NPTN: variants seen among roughly 807,000 people sequenced by gnomAD.
NPTN encodes SDR-1.
In NPTN, 5 loss-of-function variants were observed where a neutral mutation model predicts 42.7. The observed-to-expected ratio is 0.12, with a 90% CI of 0.06 to 0.25. The LOEUF (loss-of-function observed/expected upper bound fraction) is 0.25. NPTN is among the 10% of genes least tolerant of loss of function. The probability of loss-of-function intolerance (pLI) is 1.00; values close to 1 mark genes in which losing one functional copy is unlikely to be tolerated. For synonymous variants in NPTN, 180 were observed against 201.9 expected, an observed-to-expected ratio of 0.89 and a Z score of 0.92; for missense variants, 307 against 525.4, an observed-to-expected ratio of 0.58 and a Z score of 4.06.
intron 2 of NPTN, among the ~76,000 whole-genome samples, chr15:73,596,090 T>C (rs1896823568): frequency 6.6e-6 from 1 of 152,212 alleles, no homozygotes; most frequent in Admixed American, 6.5e-5. Context: ...CAGCTACTCA[T>C]CAGAGTCAAA....
At chr15:73,617,856 G>A (rs1434264386) in intron 1 of NPTN, among the ~76,000 whole-genome samples, 1 of 152,156 alleles carries the variant, frequency 6.6e-6, no homozygotes, top group Admixed American at 6.5e-5. Context: ...CCTACAGCAA[G>A]AACTACTACT....
chr15:73,574,613 A>G (rs1445396551), intron 4 of NPTN, among the ~76,000 whole-genome samples: 1 of 152,194 alleles, frequency 6.6e-6, no homozygotes, highest in East Asian at 1.9e-4. Context: ...GGGTCTTACT[A>G]TATTGCCCAG....
chr15:73,605,621 G>A (rs1199459396), intron 1 of NPTN, among the ~76,000 whole-genome samples: 4 of 151,368 alleles, frequency 2.6e-5, no homozygotes, highest in African/African-American at 7.3e-5. Context: ...CCAGCTACTC[G>A]GGAGGCTGAG....
intron 2 of NPTN, among the ~76,000 whole-genome samples, chr15:73,595,328 C>T (rs1896784353): frequency 6.6e-6 from 1 of 151,872 alleles, no homozygotes; most frequent in Non-Finnish European, 1.5e-5. Context: ...AGGAGGCGTG[C>T]AGGGTAAAAA....
At chr15:73,561,646 C>T (rs777069389) in intron 8 of NPTN, among the ~76,000 whole-genome samples, 1 of 152,200 alleles carries the variant, frequency 6.6e-6, no homozygotes, top group Non-Finnish European at 1.5e-5. Context: ...CACCACTGCA[C>T]TCCAGCTTGG....
At chr15:73,593,187 A>C (rs1896678428) in intron 2 of NPTN, among the ~76,000 whole-genome samples, 1 of 152,240 alleles carries the variant, frequency 6.6e-6, no homozygotes, top group Non-Finnish European at 1.5e-5. Flanking sequence ...AAAATGTTTA[A>C]AATCACTCTA....
intron 4 of NPTN, among the ~76,000 whole-genome samples, chr15:73,582,261 G>A (rs1007668097): frequency 1.3e-5 from 2 of 152,118 alleles, no homozygotes; most frequent in Non-Finnish European, 2.9e-5. Flanking sequence ...CTGCATTTAC[G>A]GTCTATTTGC....
At position 73,569,033 on chromosome 15, in the gene NPTN, A is replaced by G. The variant is rs976239541; in HGVS notation, c.1114+1117T>C. On this transcript the variant is annotated intron_variant, in intron 6 of 8. Transcript: ENST00000345330. This position sits in a 1 kb window ranked among gnomAD's most constrained non-coding sequence, Gnocchi z 4.1. ...GACAGCCAGCTCTGTGGGGCAGGAT[A>G]CAGCACCACAGGTGCACAAACACAG... 29 of 985,410 alleles carry G rather than the reference A, an allele frequency of 2.9e-5. No individual in the cohort carries two copies. Among genetic ancestry groups the G allele is most frequent in the Non-Finnish European group, 3.3e-5 (27 of 830,012 alleles). The allele number at this position is 985,410 out of a possible 1,614,324, so 61.0% of individuals were successfully genotyped here.
intron 6 of NPTN, among the ~76,000 whole-genome samples, chr15:73,566,389 C>T (rs1335402201): frequency 6.6e-6 from 1 of 152,216 alleles, no homozygotes; most frequent in Non-Finnish European, 1.5e-5. Context: ...ATATCTTCTC[C>T]ATCAGTAACT....
chr15:73,601,072 A>G (rs923204454), intron 1 of NPTN, among the ~76,000 whole-genome samples: 1 of 152,232 alleles, frequency 6.6e-6, no homozygotes, highest in African/African-American at 2.4e-5. Flanking sequence ...TTCCACATAC[A>G]TCACATCTCA....
chr15:73,589,152 C>T (rs1469936785), intron 3 of NPTN, among the ~76,000 whole-genome samples: 5 of 151,762 alleles, frequency 3.3e-5, no homozygotes, highest in Admixed American at 3.3e-4. Context: ...GGAAACATGG[C>T]GAAACGCTAT....
chr15:73,573,663 A>T lies in NPTN; in HGVS notation c.839T>A (p.Met280Lys). Residue 280 changes from methionine to lysine, a missense_variant and splice_region_variant, in exon 5 of 9, where the codon ATG becomes AAG. Physicochemically the swap from Met to Lys is moderately conservative, Grantham distance 95 (BLOSUM62 -1). Around this residue, in one of 2 missense-constraint regions of NPTN, gnomAD observed 264 missense variants for 491.1 expected, o/e 0.54. Coordinates refer to ENST00000345330, the MANE Select transcript of NPTN (RefSeq NM_012428.4). ...GACCCGGGCCTGCCTCCTACTCACC[A>T]TGGGCATCCCGTTCTCCTTCTTGCG... is the stretch of plus-strand genomic sequence containing the variant. ...IWRKKENGMP[M>K]DIVNTSGRFF... The T allele has an allele frequency of 6.4e-7, 1 of 1,574,740 alleles. No homozygotes were observed. Among genetic ancestry groups the T allele is most frequent in the African/African-American group, 1.4e-5 (1 of 72,696 alleles).
chr15:73,603,840 A>G (rs1194726927), intron 1 of NPTN, among the ~76,000 whole-genome samples: 1 of 152,234 alleles, frequency 6.6e-6, no homozygotes, highest in Non-Finnish European at 1.5e-5. Flanking sequence ...CAGCCTAAGA[A>G]AAGGTGTCAG....
chr15:73,578,502 C>A (rs941332618), intron 4 of NPTN, among the ~76,000 whole-genome samples: 1 of 152,090 alleles, frequency 6.6e-6, no homozygotes, highest in African/African-American at 2.4e-5. Context: ...AGGATGACAC[C>A]AAGGTTTTGG....
chr15:73,607,140 A>G (rs1423013230), intron 1 of NPTN, among the ~76,000 whole-genome samples: 1 of 152,204 alleles, frequency 6.6e-6, no homozygotes, highest in Non-Finnish European at 1.5e-5. Context: ...CCCAGTGCAG[A>G]ATCTCACTGC....
chr15:73,567,590 GAGA>G lies in NPTN; in HGVS notation c.1114+2557_1114+2559del, dbSNP rs1436874331. ...GAACTGGCTAAAGAAGGAAAAGGCA[GAGA>G]AGAAGGAAACTCACCAAAGAACATT... On this transcript the variant is annotated intron_variant, in intron 6 of 8. Transcript: ENST00000345330. 1.0e-5 allele frequency: 10 copies of G among 985,416 alleles called. No individual in the cohort carries two copies. In the East Asian group the frequency reaches 3.4e-4, roughly 34 times the overall value. 61.0% of individuals were successfully genotyped at this position (985,416 alleles called of 1,614,324 possible). A position where few individuals can be genotyped will look rare whatever the true frequency, so the allele number is the denominator to read the frequency against.
rs1895264751 is a variant in NPTN at position 73,569,904 on chromosome 15, C to T, written c.1114+246G>A. 1.4e-6 allele frequency: 1 copy of T among 698,752 alleles called. No homozygotes were observed. The highest frequency in any genetic ancestry group is 1.8e-6 in the Non-Finnish European group (1 of 569,172). The allele number at this position is 698,752 out of a possible 1,614,324, so 43.3% of individuals were successfully genotyped here. On this transcript the variant is annotated intron_variant, in intron 6 of 8. Coordinates refer to ENST00000345330, the MANE Select transcript of NPTN (RefSeq NM_012428.4). The surrounding 1 kb of genome is among the most constrained non-coding windows in gnomAD (Gnocchi z 4.1). ...AGATGGGACTAGGGTTTGGAAAACA[C>T]CCAAACAGAGGGAGAGAGCTAAGGA...
At chr15:73,608,821 T>C (rs1403525909) in intron 1 of NPTN, among the ~76,000 whole-genome samples, 2 of 152,190 alleles carry the variant, frequency 1.3e-5, no homozygotes, top group African/African-American at 4.8e-5. Context: ...GTTTACAAGA[T>C]AGAATCAAAT....
intron 1 of NPTN, among the ~76,000 whole-genome samples, chr15:73,629,529 C>T (rs1166538265): frequency 6.6e-6 from 1 of 151,632 alleles, no homozygotes; most frequent in Non-Finnish European, 1.5e-5. Context: ...CAAATACTGG[C>T]ATTATTACAA....
Sources: gnomAD v4.1 joint callset for allele counts (sites outside exome capture counted in the v4.1 genomes callset) on GRCh38, gnomAD v4.1.1 for gene constraint, gnomAD v4.1.1 regional missense constraint, Gnocchi (gnomAD v3.1) non-coding constraint, MANE v1.5 for transcripts, NCBI Gene and HGNC (gene_info 2026-07-23, HGNC 2026-07-21) for gene names.